LDLRAD3: variants seen among roughly 807,000 people sequenced by gnomAD.
The protein encoded by LDLRAD3 is low density lipoprotein receptor class A domain containing 3, also known as low-density lipoprotein receptor class A domain-containing protein 3.
Under a neutral mutation model 29.4 loss-of-function variants are expected in LDLRAD3, and 20 were observed. The observed-to-expected ratio is 0.68, with a 90% CI of 0.48 to 0.99. The LOEUF is 0.99. LDLRAD3 is among the 50% of genes least tolerant of loss of function. The pLI is 0.00. For synonymous variants in LDLRAD3, 157 were observed against 192.7 expected (o/e 0.81, Z 1.53); for missense variants, 420 against 454.3 (o/e 0.92, Z 0.69).
intron 1 of LDLRAD3, among the ~76,000 whole-genome samples, chr11:36,029,442 C>T (rs1055417692): frequency 1.3e-5 from 2 of 152,126 alleles, no homozygotes; most frequent in African/African-American, 4.8e-5. Flanking sequence ...AGTATCATGA[C>T]AAACAGCATC....
intron 1 of LDLRAD3, among the ~76,000 whole-genome samples, chr11:35,992,211 C>A (rs1427488649): frequency 2.0e-5 from 3 of 152,142 alleles, no homozygotes; most frequent in African/African-American, 7.2e-5. Flanking sequence ...GCTGCATGAA[C>A]AAGAATGCAA....
chr11:35,966,830 T>C (rs1386384342), intron 1 of LDLRAD3, among the ~76,000 whole-genome samples: 1 of 152,232 alleles, frequency 6.6e-6, no homozygotes. Context: ...TTTTCAGAAA[T>C]AGCATCATAT....
At chr11:36,067,430 C>T (rs1404113754) in intron 2 of LDLRAD3, among the ~76,000 whole-genome samples, 1 of 151,976 alleles carries the variant, frequency 6.6e-6, no homozygotes, top group Non-Finnish European at 1.5e-5. Context: ...AAAACGATAG[C>T]AAATATAGTA....
chr11:35,996,820 C>G (rs1436012720), intron 1 of LDLRAD3, among the ~76,000 whole-genome samples: 1 of 152,066 alleles, frequency 6.6e-6, no homozygotes, highest in Non-Finnish European at 1.5e-5. Context: ...TGTGCCAGCC[C>G]CTGTGCACAG....
intron 4 of LDLRAD3, among the ~76,000 whole-genome samples, chr11:36,157,435 T>C (rs1854370571): frequency 6.6e-6 from 1 of 152,228 alleles, no homozygotes; most frequent in Non-Finnish European, 1.5e-5. Context: ...AGTGGTTCTG[T>C]TGCACTTTTG....
chr11:36,216,828 G>T (rs567204803), intron 4 of LDLRAD3, among the ~76,000 whole-genome samples: 63 of 152,280 alleles, frequency 4.1e-4, no homozygotes, highest in Middle Eastern at 6.8e-3. Context: ...CTCTAAGATT[G>T]AGTATTCATT....
intron 1 of LDLRAD3, among the ~76,000 whole-genome samples, chr11:35,991,867 T>TTGTGTGTGTG (rs33941156): frequency 0.028 from 2,299 of 82,708 alleles, 53 homozygotes; most frequent in Middle Eastern, 0.099. Flanking sequence ...GAATGGTTGT[T>TTGTGTGTGTG]TGTGTGTGTG....
At position 36,045,722 on chromosome 11, in the gene LDLRAD3, G is replaced by GTT. The variant is rs34312180; in HGVS notation, c.193+9487_193+9488dup. 1.3e-3 allele frequency among the ~76,000 whole-genome samples: 178 copies of GTT among 138,610 alleles called. No individual in the cohort carries two copies. In the East Asian group the frequency reaches 0.014, roughly 11 times the overall value. 90.9% of individuals were successfully genotyped at this position (138,610 alleles called of 152,430 possible). A position where few individuals can be genotyped will look rare whatever the true frequency, so the allele number is the denominator to read the frequency against. ...GAATAAGTCTCACGAGATCTGATGG[G>GTT]TTTTTTTTTTTTTTTCATTTCAAAA... On this transcript the variant is annotated intron_variant, in intron 2 of 5. Transcript: ENST00000315571.
At chr11:36,224,895 A>G (rs530781818) in intron 4 of LDLRAD3, among the ~76,000 whole-genome samples, 1 of 152,336 alleles carries the variant, frequency 6.6e-6, no homozygotes, top group Admixed American at 6.5e-5. Context: ...GTGATGTTAG[A>G]CAAAATAATT....
intron 2 of LDLRAD3, among the ~76,000 whole-genome samples, chr11:36,044,203 A>G (rs1390035456): frequency 6.6e-6 from 1 of 152,152 alleles, no homozygotes; most frequent in Non-Finnish European, 1.5e-5. Flanking sequence ...AATGGAGATA[A>G]TAGCAGTGCC....
At chr11:36,134,210 T>C (rs1853971869) in intron 4 of LDLRAD3, among the ~76,000 whole-genome samples, 1 of 152,096 alleles carries the variant, frequency 6.6e-6, no homozygotes, top group African/African-American at 2.4e-5. Context: ...CCGGAGAAGC[T>C]TCCAGAAAGC....
intron 4 of LDLRAD3, among the ~76,000 whole-genome samples, chr11:36,111,426 C>T (rs1777587358): frequency 6.6e-6 from 1 of 151,314 alleles, no homozygotes; most frequent in South Asian, 2.1e-4. Flanking sequence ...TTTTTTTTGG[C>T]CCCAGTTTGA....
chr11:36,125,736 T>C (rs557639079), intron 4 of LDLRAD3, among the ~76,000 whole-genome samples: 115 of 152,264 alleles, frequency 7.6e-4, no homozygotes, highest in Non-Finnish European at 1.3e-3. Context: ...GAGACCACTT[T>C]TTGTGATTCC....
At chr11:35,972,147 G>A (rs745833683) in intron 1 of LDLRAD3, among the ~76,000 whole-genome samples, 5 of 152,090 alleles carry the variant, frequency 3.3e-5, no homozygotes, top group African/African-American at 9.6e-5. Context: ...AGGAGGAGAC[G>A]AAAACTTGTT....
chr11:36,023,174 G>T (rs1852119808), intron 1 of LDLRAD3, among the ~76,000 whole-genome samples: 1 of 152,160 alleles, frequency 6.6e-6, no homozygotes, highest in Admixed American at 6.5e-5. Context: ...TGGCGTTTTT[G>T]ATCTCCCTGG....
intron 1 of LDLRAD3, among the ~76,000 whole-genome samples, chr11:35,963,569 A>G (rs1183417002): frequency 1.3e-5 from 2 of 152,098 alleles, no homozygotes; most frequent in Non-Finnish European, 2.9e-5. Flanking sequence ...AATAATCATC[A>G]TCTCAGCCAT....
At chr11:36,034,875 A>T (rs1240489836) in intron 1 of LDLRAD3, among the ~76,000 whole-genome samples, 1 of 152,208 alleles carries the variant, frequency 6.6e-6, no homozygotes, top group African/African-American at 2.4e-5. Flanking sequence ...GCACGCATAA[A>T]GGATAGTGGC....
intron 1 of LDLRAD3, among the ~76,000 whole-genome samples, chr11:35,985,843 C>CTTT (rs112760228): frequency 2.1e-5 from 3 of 144,176 alleles, no homozygotes; most frequent in Admixed American, 7.0e-5. Context: ...TCCATTAAGC[C>CTTT]TTTTTTTTTT....
chr11:36,170,282 A>T (rs1469216776), intron 4 of LDLRAD3, among the ~76,000 whole-genome samples: 1 of 145,246 alleles, frequency 6.9e-6, no homozygotes, highest in Admixed American at 7.1e-5. Context: ...ACATATATGT[A>T]CATATATACA....
Sources: allele counts gnomAD v4.1 joint callset (sites outside exome capture counted in the v4.1 genomes callset), GRCh38; gene constraint gnomAD v4.1.1; transcripts MANE v1.5; gene names NCBI Gene and HGNC (gene_info 2026-07-23, HGNC 2026-07-21).